FNTA: variants seen among roughly 807,000 people sequenced by gnomAD.
FNTA encodes the protein protein farnesyltransferase/geranylgeranyltransferase type-1 subunit alpha.
Under a neutral mutation model 55.2 loss-of-function variants are expected in FNTA, and 27 were observed. That is an observed-to-expected ratio of 0.49 (90% CI 0.36 to 0.67). The LOEUF (loss-of-function observed/expected upper bound fraction) is 0.67, where lower values mean the gene tolerates loss of function less well. Ranked by LOEUF, FNTA falls within the 30% of genes least tolerant of loss-of-function variation. The pLI is 0.00. For missense variants in FNTA, 422 were observed against 464.7 expected (o/e 0.91, Z 0.85); for synonymous variants, 176 against 170.7 (o/e 1.03, Z -0.24).
intron 4 of FNTA, among the ~76,000 whole-genome samples, chr8:43,071,818 T>A (rs1440191083): frequency 6.6e-6 from 1 of 152,188 alleles, no homozygotes; most frequent in Non-Finnish European, 1.5e-5. Context: ...GCTGCTTGTT[T>A]GATGACACTT....
At chr8:43,069,148 C>G (rs1810728524) in intron 3 of FNTA, among the ~76,000 whole-genome samples, 1 of 151,332 alleles carries the variant, frequency 6.6e-6, no homozygotes, top group African/African-American at 2.4e-5. Context: ...TGGAGTCTCC[C>G]TCTGTTGCCC....
chr8:43,062,312 G>A (rs529456648), intron 2 of FNTA, among the ~76,000 whole-genome samples: 1 of 150,870 alleles, frequency 6.6e-6, no homozygotes. Context: ...ACAGACTTTC[G>A]CTCTTGTTGC....
intron 1 of FNTA, among the ~76,000 whole-genome samples, chr8:43,057,956 C>CAAAAA (rs71550440): frequency 0.011 from 773 of 69,338 alleles, 13 homozygotes; most frequent in African/African-American, 0.039. Context: ...GACTCCATCT[C>CAAAAA]AAAAAAAAAA....
At chr8:43,084,548 G>C (rs1811088539) in intron 7 of FNTA, 162 bp from the exon 8 acceptor site, 2 of 591,068 alleles carry the variant, frequency 3.4e-6, no homozygotes, top group South Asian at 4.3e-5. Flanking sequence ...TCTATGATAA[G>C]ACTCATGTAA....
chr8:43,058,999 A>G (rs766724765), intron 1 of FNTA, 93 bp from the exon 2 acceptor site: 113 of 902,854 alleles, frequency 1.3e-4, no homozygotes, highest in Non-Finnish European at 1.9e-4. Flanking sequence ...ATTAATATCA[A>G]TGTAACTGTA....
intron 3 of FNTA, among the ~76,000 whole-genome samples, chr8:43,068,018 G>A (rs557078457): frequency 1.3e-5 from 2 of 152,304 alleles, no homozygotes; most frequent in South Asian, 4.1e-4. Context: ...TCCTGCCTCA[G>A]TCTCCCGAGT....
At position 43,072,194 on chromosome 8, in the gene FNTA, G is replaced by C; in HGVS notation, c.520G>C (p.Val174Leu). 1 of 1,558,210 alleles carries C rather than the reference G, an allele frequency of 6.4e-7. No individual in the cohort carries two copies. The highest frequency in any genetic ancestry group is 1.7e-4 in the Middle Eastern group (1 of 5,820). ...TTTGGGCTTTAGGCATCATAGGCGA[G>C]TATTAGTGGAATGGCTAAGAGATCC... ...KNYQVWHHRR[V>L]LVEWLRDPSQ... is the part of the protein sequence containing the mutation. The change falls in exon 5 of 9, where the codon GTA becomes CTA. Residue 174 changes from valine to leucine, a missense_variant. Physicochemically the swap from Val to Leu is conservative, Grantham distance 32. Coordinates refer to ENST00000302279, the MANE Select transcript of FNTA (RefSeq NM_002027.3).
chr8:43,084,726 G>A lies in FNTA; in HGVS notation c.862G>A (p.Gly288Ser). 1 of 1,607,602 alleles carries A rather than the reference G, an allele frequency of 6.2e-7. No homozygotes were observed. Among genetic ancestry groups the A allele is most frequent in the Non-Finnish European group, 8.5e-7 (1 of 1,177,764 alleles). ...TGTTTACAGGATTTTGCAGGATCGT[G>A]GTCTTTCCAAATATCCTAATCTGTT... ...NYLKGILQDR[G>S]LSKYPNLLNQ... Residue 288 changes from glycine to serine, a missense_variant, in exon 8 of 9, where the codon GGT becomes AGT. This residue lies in a region of FNTA where 262 missense variants were observed against 343.1 expected (regional missense o/e 0.76). Transcript: ENST00000302279.
In FNTA at chr8:43,056,360, AG is replaced by A. The variant is rs1335118006; in HGVS notation, c.19del (p.Val7SerfsTer50). The A allele has an allele frequency of 1.4e-6, 2 of 1,427,980 alleles. No individual in the cohort carries two copies. The highest frequency in any genetic ancestry group is 1.5e-5 in the South Asian group (1 of 68,386). The allele number at this position is 1,427,980 out of a possible 1,614,324, so 88.5% of individuals were successfully genotyped here. MAAT[E>X]GVGEAAQGGE... ...GACCGAGGCGAGATGGCGGCCACCG[AG>A]GGGGTCGGGGAGGCTGCGCAAGGGG... is the stretch of plus-strand genomic sequence containing the variant. On this transcript the variant is annotated frameshift_variant, in exon 1 of 9. Transcript: ENST00000302279. LOFTEE classifies it high-confidence loss of function.
chr8:43,063,190 C>A (rs1253698034), intron 2 of FNTA: 9 of 450,162 alleles, frequency 2.0e-5, no homozygotes, highest in South Asian at 1.4e-4. Flanking sequence ...AAGCGATCCT[C>A]CTACCTCTGC....
intron 7 of FNTA, 135 bp from the exon 8 acceptor site, chr8:43,084,575 T>C (rs1811088969): frequency 1.5e-6 from 1 of 657,194 alleles, no homozygotes; most frequent in Non-Finnish European, 2.5e-6. Flanking sequence ...AGTTTCATTA[T>C]AGTTTCAGCG....
chr8:43,070,185 C>G (rs977334249), intron 4 of FNTA: 1 of 150,374 alleles, frequency 6.7e-6, no homozygotes, highest in African/African-American at 2.5e-5. Flanking sequence ...AGGAGCGTGC[C>G]TGTAATCCCA....
At chr8:43,068,885 C>T (rs1251892893) in intron 3 of FNTA, among the ~76,000 whole-genome samples, 4 of 151,698 alleles carry the variant, frequency 2.6e-5, no homozygotes, top group East Asian at 2.0e-4. Flanking sequence ...ACTGATTTTG[C>T]ATTTTTAGTA....
intron 3 of FNTA, among the ~76,000 whole-genome samples, chr8:43,066,330 C>G (rs1436910825): frequency 6.7e-6 from 1 of 150,280 alleles, no homozygotes; most frequent in Non-Finnish European, 1.5e-5. Flanking sequence ...GATCTCTGCT[C>G]ACTGCAAGCT....
At chr8:43,080,770 G>C (rs1398332586) in intron 6 of FNTA, 1 of 152,204 alleles carries the variant, frequency 6.6e-6, no homozygotes, top group Non-Finnish European at 1.5e-5. Context: ...CAAAACATTT[G>C]CATCATCACT....
chr8:43,059,133 A>G lies in FNTA; in HGVS notation c.242A>G (p.Asn81Ser), dbSNP rs1179008903. The G allele has an allele frequency of 1.2e-6, 2 of 1,613,630 alleles. No individual in the cohort carries two copies. Among genetic ancestry groups the G allele is most frequent in the South Asian group, 1.1e-5 (1 of 91,026 alleles). ...EWADIDPVPQ[N>S]DGPNPVVQII... ...GCTGATATAGATCCGGTGCCGCAGA[A>G]TGATGGCCCCAATCCCGTGGTCCAG... is the stretch of plus-strand genomic sequence containing the variant. Residue 81 changes from asparagine to serine, a missense_variant, in exon 2 of 9, where the codon AAT becomes AGT. This residue lies in a region of FNTA where 160 missense variants were observed against 121.6 expected (regional missense o/e 1.32). Coordinates refer to ENST00000302279, the MANE Select transcript of FNTA (RefSeq NM_002027.3).
At chr8:43,063,114 G>C (rs1361857151) in intron 2 of FNTA, among the ~76,000 whole-genome samples, 1 of 142,256 alleles carries the variant, frequency 7.0e-6, no homozygotes, top group Non-Finnish European at 1.5e-5. Context: ...TTGAGACAGT[G>C]TTGTGCTGTC....
chr8:43,061,155 A>G (rs1050735199), intron 2 of FNTA, among the ~76,000 whole-genome samples: 8 of 152,232 alleles, frequency 5.3e-5, no homozygotes, highest in Non-Finnish European at 1.5e-5. Context: ...ATGTTTAGCC[A>G]TTTTGGAAAG....
chr8:43,083,335 C>T (rs1406481612), intron 7 of FNTA, among the ~76,000 whole-genome samples, 155 bp downstream of exon 7: 2 of 152,128 alleles, frequency 1.3e-5, no homozygotes, highest in Non-Finnish European at 2.9e-5. Flanking sequence ...TATGGAAACT[C>T]TCTGGGAGTT....
Sources: gnomAD v4.1 joint callset for allele counts (sites outside exome capture counted in the v4.1 genomes callset) on GRCh38, gnomAD v4.1.1 for gene constraint, gnomAD v4.1.1 regional missense constraint, MANE v1.5 for transcripts, NCBI Gene and HGNC (gene_info 2026-07-23, HGNC 2026-07-21) for gene names.